Variants in TTN observed in about 807,000 individuals in gnomAD.
TTN encodes titin.
A neutral mutation model predicts 3,223.0 loss-of-function variants in TTN; 1,525 were observed. That is an observed-to-expected ratio of 0.47 (90% confidence interval 0.45 to 0.49). The LOEUF is 0.49. TTN is among the 20% of genes least tolerant of loss of function. The pLI is 0.00. For synonymous variants in TTN, 14,094 were observed against 15,161.0 expected (o/e 0.93, Z 5.17); for missense variants, 40,786 against 43,424.0 (o/e 0.94, Z 5.40).
In TTN at chr2:178,739,589, A is replaced by G; in HGVS notation, c.13644T>C (p.Asp4548=). ...CAACCCCTTTAGTGACAGGTGTGGC[A>G]TCCAAATATTTAACCCTACTTTGCA... is the stretch of plus-strand genomic sequence containing the variant. ...FNVQSRVKYL[D]ATPVTKGVAS... The change falls in exon 48 of 363, where the codon GAT becomes GAC. Residue 4548 remains aspartate, a synonymous_variant. Coordinates refer to ENST00000589042, the MANE Select transcript of TTN (RefSeq NM_001267550.2). 1 of 1,613,858 alleles carries G rather than the reference A, an allele frequency of 6.2e-7. No homozygotes were observed. The highest frequency in any genetic ancestry group is 1.1e-5 in the South Asian group (1 of 91,078).
At chr2:178,597,856 C>A (rs548108961) in intron 293 of TTN, 37 bp from the exon 294 acceptor site, 1 of 1,612,220 alleles carries the variant, frequency 6.2e-7, no homozygotes, top group Non-Finnish European at 8.5e-7. Context: ...TGATTTTTCC[C>A]CTTCAATCTG....
chr2:178,611,925 C>A lies in TTN; in HGVS notation c.50384G>T (p.Gly16795Val). The A allele has an allele frequency of 6.2e-7, 1 of 1,612,208 alleles. No homozygotes were observed. Among genetic ancestry groups the A allele is most frequent in the Non-Finnish European group, 8.5e-7 (1 of 1,179,132 alleles). Reference protein sequence around the residue: ...RYVIEKKERLGTRWVKAGKTA... With the variant: ...RYVIEKKERLVTRWVKAGKTA... ...CTTTCCAGCTTTCACCCAACGGGTACCTAACCTTTCTTTCTTCTCAATGAC... is the reference window on the plus strand; with the variant it reads ...CTTTCCAGCTTTCACCCAACGGGTAACTAACCTTTCTTTCTTCTCAATGAC... The change falls in exon 268 of 363, where the codon GGT (glycine) becomes GTT (valine). Residue 16795 changes from glycine to valine, a missense_variant. Physicochemically the swap from Gly to Val is moderately radical, Grantham distance 109 (BLOSUM62 -3). Transcript: ENST00000589042.
chr2:178,751,031 G>T (rs1230350691), intron 47 of TTN: 1 of 1,612,546 alleles, frequency 6.2e-7, no homozygotes, highest in South Asian at 1.1e-5. Context: ...AAAGCTTGTG[G>T]GAAGTTCCTC....
chr2:178,604,431 A>C, intron 281 of TTN, 126 bp from the exon 282 acceptor site: 1 of 830,768 alleles, frequency 1.2e-6, no homozygotes, highest in Non-Finnish European at 1.7e-6. Flanking sequence ...GACTCAAAAC[A>C]TGGGAAGACA....
chr2:178,802,105 G>T, intron 3 of TTN, 33 bp downstream of exon 3: 1 of 1,610,714 alleles, frequency 6.2e-7, no homozygotes, highest in South Asian at 1.1e-5. Flanking sequence ...TCCTCTGGGG[G>T]AGCAGAGGAT....
chr2:178,574,857 T>G lies in TTN; in HGVS notation c.71275A>C (p.Ile23759Leu). Residue 23759 changes from isoleucine (I) to leucine (L), a missense_variant, in exon 326 of 363, where the codon ATA (isoleucine) becomes CTA (leucine). Coordinates refer to ENST00000589042, the MANE Select transcript of TTN (RefSeq NM_001267550.2). ...DPPENDGGVP[I>L]SNYVVEMRQT... ...CGCATTTCCACTACATAGTTGCTTA[T>G]TGGTACACCACCATCGTTCTCAGGT... The G allele has an allele frequency of 6.2e-7, 1 of 1,613,156 alleles. No homozygotes were observed. Among genetic ancestry groups the G allele is most frequent in the Non-Finnish European group, 8.5e-7 (1 of 1,179,568 alleles).
intron 217 of TTN, 188 bp from the exon 218 acceptor site, chr2:178,644,804 A>G (rs951494266): frequency 8.3e-6 from 4 of 484,714 alleles, no homozygotes; most frequent in Non-Finnish European, 1.4e-5. Flanking sequence ...GTTTTACTCC[A>G]AAGTTCAGTA....
In TTN at chr2:178,634,250, C is replaced by A; in HGVS notation, c.42415+116G>T. 6.7e-7 allele frequency: 1 copy of A among 1,490,796 alleles called. No homozygotes were observed. The highest frequency in any genetic ancestry group is 8.9e-7 in the Non-Finnish European group (1 of 1,125,088). The allele number at this position is 1,490,796 out of a possible 1,614,324, so 92.3% of individuals were successfully genotyped here. A position where few individuals can be genotyped will look rare whatever the true frequency, so the allele number is the denominator to read the frequency against. Reference sequence around the variant, plus strand: ...ATTAAGGGGGGTTGTTTTGGTAACACTGTGAAAGTTAATTAGTGATGCATT... The same window carrying A: ...ATTAAGGGGGGTTGTTTTGGTAACAATGTGAAAGTTAATTAGTGATGCATT... On this transcript the variant is annotated intron_variant, in intron 230 of 362. Transcript: ENST00000589042. The surrounding 1 kb of genome is among the most constrained non-coding windows in gnomAD (Gnocchi z 4.6).
At chr2:178,698,272 C>CTTAG (rs3045696) in intron 112 of TTN, among the ~76,000 whole-genome samples, 53,388 of 151,720 alleles carry the variant, frequency 0.35, 11,191 homozygotes, top group East Asian at 0.57. Context: ...GGTACAAAAT[C>CTTAG]TTAGACAGAA....
chr2:178,642,529 AT>A (rs2061377831), intron 218 of TTN, among the ~76,000 whole-genome samples: 1 of 152,008 alleles, frequency 6.6e-6, no homozygotes. Flanking sequence ...ATTCAACTCC[AT>A]TAACTGCAGG....
chr2:178,529,358 C>T, intron 359 of TTN, 139 bp from the exon 360 acceptor site: 1 of 569,062 alleles, frequency 1.8e-6, no homozygotes, highest in Non-Finnish European at 2.8e-6. Context: ...CTAATACTTT[C>T]TCAGTTCCAC....
Position 178,684,983 on chromosome 2 carries a change from T to A in TTN, c.32477A>T (p.Glu10826Val). Reference sequence around the variant, plus strand: ...TTCTGGCACAATTTTCTTAGGTGCTTCAGGAACTTTAGAAAGATTAGGTTT... The same window carrying A: ...TTCTGGCACAATTTTCTTAGGTGCTACAGGAACTTTAGAAAGATTAGGTTT... ...IEEPPPAKVP[E>V]APKKIVPEKK... Residue 10826 changes from glutamate (E) to valine (V), a missense_variant, in exon 130 of 363, where the codon GAA becomes GTA. Coordinates refer to ENST00000589042, the MANE Select transcript of TTN (RefSeq NM_001267550.2). 6.2e-7 allele frequency: 1 copy of A among 1,600,798 alleles called. No individual in the cohort carries two copies.
At chr2:178,646,446 A>T in intron 216 of TTN, 39 bp downstream of exon 216, 1 of 1,318,686 alleles carries the variant, frequency 7.6e-7, no homozygotes, top group Non-Finnish European at 1.1e-6. Flanking sequence ...CAAGAGAAAG[A>T]ATATGATAAA....
Position 178,578,798 on chromosome 2 carries a change from A to G in TTN, c.68224+8T>C. On this transcript the variant is annotated splice_region_variant and intron_variant, in intron 320 of 362. Transcript: ENST00000589042. ...TTGCTTTACGTCTTCTGAATTTAAG[A>G]CACTTACCAAATGGATGTCTCGCAA... The G allele has an allele frequency of 6.2e-7, 1 of 1,608,632 alleles. No individual in the cohort carries two copies. Among genetic ancestry groups the G allele is most frequent in the Non-Finnish European group, 8.5e-7 (1 of 1,177,464 alleles).
chr2:178,748,406 C>T, intron 47 of TTN: 1 of 1,613,200 alleles, frequency 6.2e-7, no homozygotes, highest in Non-Finnish European at 8.5e-7. Flanking sequence ...ATTTTGCACA[C>T]TTTTAGAGAT....
intron 165 of TTN, 21 bp from the exon 166 acceptor site, chr2:178,664,947 C>G: frequency 6.3e-7 from 1 of 1,592,966 alleles, no homozygotes; most frequent in South Asian, 1.1e-5. Flanking sequence ...ATTAGCAATT[C>G]ACATTTAAGA....
rs1279876422 is a variant in TTN, at chr2:178,552,959, A to G, written c.89941T>C (p.Ser29981Pro). 2 of 1,613,184 alleles carry G rather than the reference A, an allele frequency of 1.2e-6. No individual in the cohort carries two copies. Among genetic ancestry groups the G allele is most frequent in the Non-Finnish European group, 1.7e-6 (2 of 1,179,774 alleles). Residue 29981 changes from serine (S) to proline (P), a missense_variant, in exon 335 of 363, where the codon TCT becomes CCT. Transcript: ENST00000589042. ...CTAGAACATTTGTGTGACACGACAG[A>G]CCATGTTCTCTTGGTGGCATCTCTC... ...EKRDATKRTW[S>P]VVSHKCSSTS...
At chr2:178,692,649 G>T in intron 119 of TTN, 69 bp from the exon 120 acceptor site, 2 of 1,170,436 alleles carry the variant, frequency 1.7e-6, no homozygotes, top group South Asian at 1.9e-5. Flanking sequence ...GTAAGACTTA[G>T]AATTAAATAG....
Position 178,572,077 on chromosome 2 carries a change from G to A in TTN, c.74055C>T (p.Tyr24685=), listed in dbSNP as rs763563305. The change falls in exon 326 of 363, where the codon TAC becomes TAT. Residue 24685 remains tyrosine, a synonymous_variant. Coordinates refer to ENST00000589042, the MANE Select transcript of TTN (RefSeq NM_001267550.2). ...CATTCTGAGCTGAAACACGGAAAGA[G>A]TATTCTTCACCCTGAATTAATCCAG... is the stretch of plus-strand genomic sequence containing the variant. The part of the protein sequence containing the change: ...TITGLIQGEE[Y]SFRVSAQNEK... The A allele has an allele frequency of 9.9e-6, 16 of 1,613,130 alleles. No homozygotes were observed. Among genetic ancestry groups the A allele is most frequent in the Non-Finnish European group, 1.4e-5 (16 of 1,179,584 alleles).
Sources: allele counts gnomAD v4.1 joint callset (sites outside exome capture counted in the v4.1 genomes callset), GRCh38; gene constraint gnomAD v4.1.1; non-coding constraint Gnocchi (gnomAD v3.1); transcripts MANE v1.5; gene names NCBI Gene and HGNC (gene_info 2026-07-23, HGNC 2026-07-21).